The following RPTOR variants were observed in gnomAD, a reference collection of about 807,000 sequenced individuals.
The protein encoded by RPTOR is regulatory associated protein of MTOR complex 1, also known as regulatory-associated protein of mTOR.
A neutral mutation model predicts 169.9 loss-of-function variants in RPTOR; 21 were observed. The observed-to-expected ratio is 0.12, with a 90% confidence interval of 0.09 to 0.18. RPTOR has a LOEUF of 0.18. RPTOR is among the 10% of genes least tolerant of loss of function. The pLI, the probability that RPTOR is intolerant of heterozygous loss-of-function variation, is 1.00. For missense variants in RPTOR, 1,133 were observed against 1,855.9 expected, an observed-to-expected ratio of 0.61 and a Z score of 7.16; for synonymous variants, 732 against 753.2, an observed-to-expected ratio of 0.97 and a Z score of 0.46.
At chr17:80,893,134 TG>T (rs1425653220) in intron 19 of RPTOR, among the ~76,000 whole-genome samples, 1 of 152,242 alleles carries the variant, frequency 6.6e-6, no homozygotes, top group Non-Finnish European at 1.5e-5. Context: ...GGTGGCTCCT[TG>T]GAGGGCTGTG....
chr17:80,891,150 T>C (rs540982760), intron 17 of RPTOR, among the ~76,000 whole-genome samples: 3 of 152,350 alleles, frequency 2.0e-5, no homozygotes, highest in Admixed American at 2.0e-4. Context: ...TCTGTTCCCT[T>C]GGACCAAGGC....
intron 3 of RPTOR, among the ~76,000 whole-genome samples, chr17:80,698,460 T>TG (rs2066055894): frequency 6.6e-6 from 1 of 152,210 alleles, no homozygotes; most frequent in Middle Eastern, 3.2e-3. Context: ...GGTCATGGCC[T>TG]GCTCCCCGGG....
intron 7 of RPTOR, among the ~76,000 whole-genome samples, chr17:80,821,439 C>T (rs1380638373): frequency 2.0e-5 from 3 of 152,156 alleles, no homozygotes; most frequent in Admixed American, 1.3e-4. Flanking sequence ...TTTGGTTTTC[C>T]ATTCCGAGTT....
intron 9 of RPTOR, among the ~76,000 whole-genome samples, chr17:80,837,207 G>C (rs2067573723): frequency 6.6e-6 from 1 of 152,148 alleles, no homozygotes; most frequent in Non-Finnish European, 1.5e-5. Flanking sequence ...CACATCACCG[G>C]GGTCATCTGT....
At chr17:80,577,572 C>T (rs2064975901) in intron 1 of RPTOR, among the ~76,000 whole-genome samples, 1 of 152,200 alleles carries the variant, frequency 6.6e-6, no homozygotes, top group Non-Finnish European at 1.5e-5. Flanking sequence ...AGCCATTGCG[C>T]CTGACTCTCC....
rs970723163 is a variant in RPTOR, at chr17:80,651,277, G to A, written c.348+7467G>A. On this transcript the variant is annotated intron_variant, in intron 3 of 33. Transcript: ENST00000306801. The surrounding 1 kb of genome is among the most constrained non-coding windows in gnomAD (Gnocchi z 4.1). ...TGGAGGTGACGATGAGGAACCCACCGTATGCTCGCCATATGCAACTAGGAA... is the reference window on the plus strand; with the variant it reads ...TGGAGGTGACGATGAGGAACCCACCATATGCTCGCCATATGCAACTAGGAA... Among the ~76,000 whole-genome samples, 6 of 152,166 alleles carry A rather than the reference G, an allele frequency of 3.9e-5. No individual in the cohort carries two copies. Among genetic ancestry groups the A allele is most frequent in the Admixed American group, 6.5e-5 (1 of 15,278 alleles).
chr17:80,726,383 G>A lies in RPTOR; in HGVS notation c.508-4177G>A, dbSNP rs1334730344. Reference sequence around the variant, plus strand: ...CTGGTGCTCGCCGCCCACAGATCACGGGGCGTGGAGGGAGAGACTGCCAGT... The same window carrying A: ...CTGGTGCTCGCCGCCCACAGATCACAGGGCGTGGAGGGAGAGACTGCCAGT... On this transcript the variant is annotated intron_variant, in intron 4 of 33. Transcript: ENST00000306801. This position sits in a 1 kb window ranked among gnomAD's most constrained non-coding sequence, Gnocchi z 4.5. 6.6e-6 allele frequency among the ~76,000 whole-genome samples: 1 copy of A among 152,218 alleles called. No homozygotes were observed. Among genetic ancestry groups the A allele is most frequent in the Non-Finnish European group, 1.5e-5 (1 of 68,038 alleles).
In RPTOR at chr17:80,746,514, T is replaced by G. The variant is rs1034818911; in HGVS notation, c.655-7496T>G. 1.1e-4 allele frequency among the ~76,000 whole-genome samples: 17 copies of G among 152,198 alleles called. No homozygotes were observed. Among genetic ancestry groups the G allele is most frequent in the Admixed American group, 3.3e-4 (5 of 15,292 alleles). ...GTTGCTGTGTATCGCATCGCAAGAC[T>G]TTTCTGGATCCTTCCCAAATCCTCC... On this transcript the variant is annotated intron_variant, in intron 5 of 33. Coordinates refer to ENST00000306801, the MANE Select transcript of RPTOR (RefSeq NM_020761.3). This position sits in a 1 kb window ranked among gnomAD's most constrained non-coding sequence, Gnocchi z 4.5.
chr17:80,892,182 C>T (rs1460745067), intron 18 of RPTOR, among the ~76,000 whole-genome samples: 1 of 152,140 alleles, frequency 6.6e-6, no homozygotes, highest in East Asian at 1.9e-4. Context: ...GCTCTTGGCT[C>T]CGTGGCTCGG....
chr17:80,811,728 G>A (rs933325770), intron 7 of RPTOR, among the ~76,000 whole-genome samples: 3 of 140,988 alleles, frequency 2.1e-5, no homozygotes, highest in African/African-American at 5.4e-5. Flanking sequence ...AAGGGACACC[G>A]CCTCTCTCCA....
intron 9 of RPTOR, among the ~76,000 whole-genome samples, chr17:80,827,846 C>A (rs910755404): frequency 6.6e-6 from 1 of 152,232 alleles, no homozygotes; most frequent in African/African-American, 2.4e-5. Context: ...GTTAGGCCAT[C>A]TCCCCCTCAC....
intron 21 of RPTOR, among the ~76,000 whole-genome samples, chr17:80,921,800 C>T (rs1422485088): frequency 6.6e-6 from 1 of 152,188 alleles, no homozygotes; most frequent in East Asian, 1.9e-4. Context: ...CCCTGCTCCC[C>T]ACCCTCCGGG....
intron 24 of RPTOR, among the ~76,000 whole-genome samples, chr17:80,938,312 T>C (rs2068979497): frequency 6.6e-6 from 1 of 152,178 alleles, no homozygotes; most frequent in Non-Finnish European, 1.5e-5. Context: ...CCCAGGACCA[T>C]AGAGTGCCGG....
chr17:80,814,960 T>G (rs2067308845), intron 7 of RPTOR, among the ~76,000 whole-genome samples: 1 of 152,178 alleles, frequency 6.6e-6, no homozygotes, highest in Non-Finnish European at 1.5e-5. Context: ...AGGTGTCCCC[T>G]AAGCCAAGAA....
In RPTOR at chr17:80,963,707, GCCCTCACC is replaced by G. The variant is rs2069379946; in HGVS notation, c.3940-552_3940-545del. Among the ~76,000 whole-genome samples the G allele has an allele frequency of 2.9e-4, 8 of 27,434 alleles. 3 individuals are homozygous for G. Among genetic ancestry groups the G allele is most frequent in the Admixed American group, 1.2e-3 (3 of 2,598 alleles). 18.0% of individuals were successfully genotyped at this position (27,434 alleles called of 152,430 possible). ...CGGCCCTCACCCCGTCCCCTGTGCG[GCCCTCACC>G]CCGTCCCCTCTGCGGCCCTCACCCC... On this transcript the variant is annotated intron_variant, in intron 33 of 33. Transcript: ENST00000306801.
rs1598331099 is a variant in RPTOR at position 80,823,314 on chromosome 17, C to T, written c.1136+91C>T. 1 of 1,506,362 alleles carries T rather than the reference C, an allele frequency of 6.6e-7. No homozygotes were observed. Among genetic ancestry groups the T allele is most frequent in the East Asian group, 2.3e-5 (1 of 43,952 alleles). The allele number at this position is 1,506,362 out of a possible 1,614,324, so 93.3% of individuals were successfully genotyped here. On this transcript the variant is annotated intron_variant, in intron 9 of 33. Transcript: ENST00000306801. This position sits in a 1 kb window ranked among gnomAD's most constrained non-coding sequence, Gnocchi z 4.5. ...AATTGCACGGAGCTGGGCAGGGAGG[C>T]CCCACACCTAACTTGGGGACCCCGT...
At chr17:80,944,257 G>GT (rs766675967) in intron 25 of RPTOR, among the ~76,000 whole-genome samples, 124 of 152,334 alleles carry the variant, frequency 8.1e-4, no homozygotes, top group Non-Finnish European at 7.2e-4. Flanking sequence ...TAGACTGAAA[G>GT]ACCCCCGGAC....
At chr17:80,837,530 G>A (rs550934593) in intron 9 of RPTOR, among the ~76,000 whole-genome samples, 5 of 152,226 alleles carry the variant, frequency 3.3e-5, no homozygotes, top group Non-Finnish European at 5.9e-5. Context: ...CAGAGCCTGC[G>A]CAGGGACCAC....
chr17:80,673,039 G>A (rs971703134), intron 3 of RPTOR, among the ~76,000 whole-genome samples: 4 of 152,006 alleles, frequency 2.6e-5, no homozygotes, highest in African/African-American at 9.7e-5. Context: ...CGAGTCTCAT[G>A]CCTCAGCCTC....
Sources: allele counts gnomAD v4.1 joint callset (sites outside exome capture counted in the v4.1 genomes callset), GRCh38; gene constraint gnomAD v4.1.1; non-coding constraint Gnocchi (gnomAD v3.1); transcripts MANE v1.5; gene names NCBI Gene and HGNC (gene_info 2026-07-23, HGNC 2026-07-21).